Variants in WDR7 observed in about 807,000 individuals in gnomAD.
WDR7 encodes the protein WD repeat-containing protein 7.
In WDR7, 46 loss-of-function variants were observed where a neutral mutation model predicts 169.4. That is an observed-to-expected ratio of 0.27 (90% CI 0.21 to 0.35). The LOEUF is 0.35. WDR7 is among the 10% of genes least tolerant of loss of function. The pLI is 1.00. For missense variants in WDR7, 1,534 were observed against 1,859.3 expected, an observed-to-expected ratio of 0.83 and a Z score of 3.22; for synonymous variants, 612 against 666.8, an observed-to-expected ratio of 0.92 and a Z score of 1.27.
intron 14 of WDR7, among the ~76,000 whole-genome samples, chr18:56,732,082 T>C (rs2026599745): frequency 6.6e-6 from 1 of 152,220 alleles, no homozygotes; most frequent in Non-Finnish European, 1.5e-5. Flanking sequence ...GTTGCAGAAG[T>C]ACTGAAATTT....
At chr18:56,690,351 C>A (rs906333935) in intron 7 of WDR7, among the ~76,000 whole-genome samples, 2 of 152,046 alleles carry the variant, frequency 1.3e-5, no homozygotes, top group Admixed American at 1.3e-4. Flanking sequence ...AGGTTAGTAG[C>A]CTTTACTGCT....
At chr18:56,876,123 C>T (rs1181440048) in intron 20 of WDR7, among the ~76,000 whole-genome samples, 1 of 151,964 alleles carries the variant, frequency 6.6e-6, no homozygotes, top group East Asian at 1.9e-4. Context: ...GCCTTACCTC[C>T]AGTAATACAG....
chr18:56,940,140 A>C (rs2047014672), intron 25 of WDR7, among the ~76,000 whole-genome samples: 1 of 152,284 alleles, frequency 6.6e-6, no homozygotes, highest in Non-Finnish European at 1.5e-5. Context: ...TGTTGAAGAT[A>C]ATTGTTTTTG....
chr18:56,963,236 G>T (rs927166585), intron 26 of WDR7, among the ~76,000 whole-genome samples: 4 of 152,068 alleles, frequency 2.6e-5, no homozygotes, highest in Admixed American at 6.6e-5. Context: ...CAAAATCGGG[G>T]TTAGGCTCCA....
chr18:56,711,038 A>G (rs545130234), intron 12 of WDR7, among the ~76,000 whole-genome samples: 54 of 149,750 alleles, frequency 3.6e-4, no homozygotes, highest in South Asian at 1.5e-3. Flanking sequence ...TTTAAAAGAC[A>G]TTTTTCTTTT....
chr18:56,907,681 G>T (rs908630627), intron 21 of WDR7, among the ~76,000 whole-genome samples: 1 of 152,252 alleles, frequency 6.6e-6, no homozygotes. Flanking sequence ...CAGTTCTGAA[G>T]GCTAGGAAGT....
At chr18:56,787,557 CCT>C (rs1274234489) in intron 19 of WDR7, among the ~76,000 whole-genome samples, 1 of 152,052 alleles carries the variant, frequency 6.6e-6, no homozygotes, top group Non-Finnish European at 1.5e-5. Context: ...TTATCGAGTC[CCT>C]GCCTTTTTAG....
rs547738958 is a variant in WDR7, at chr18:56,889,984, T to C, written c.3526+9819T>C. On this transcript the variant is annotated intron_variant, in intron 21 of 27. Transcript: ENST00000254442. ...GCCAAGGTACATGATCTACCTGCCATTACATGGAAAAAGCCACATTTATGT... is the reference window on the plus strand; with the variant it reads ...GCCAAGGTACATGATCTACCTGCCACTACATGGAAAAAGCCACATTTATGT... 4.6e-5 allele frequency among the ~76,000 whole-genome samples: 7 copies of C among 152,286 alleles called. No homozygotes were observed. The East Asian group carries it at 9.6e-4, about 21-fold the overall frequency.
At position 56,779,525 on chromosome 18, in the gene WDR7, A is replaced by G; in HGVS notation, c.3042A>G (p.Arg1014=). The change falls in exon 18 of 28, where the codon CGA becomes CGG. Residue 1014 remains arginine (R), a synonymous_variant. Coordinates refer to ENST00000254442, the MANE Select transcript of WDR7 (RefSeq NM_015285.3). ...FRPPLLEMLA[R]RWQDRCLEVR... is the part of the protein sequence containing the mutation. ...CTCCCCTTCTGGAGATGCTGGCCCG[A>G]AGATGGCAAGATCGATGCTTGGAGG... The G allele has an allele frequency of 1.9e-6, 3 of 1,613,866 alleles. No homozygotes were observed. Among genetic ancestry groups the G allele is most frequent in the Non-Finnish European group, 1.7e-6 (2 of 1,179,860 alleles).
At chr18:56,983,156 G>A (rs1449734286) in intron 26 of WDR7, among the ~76,000 whole-genome samples, 4 of 152,182 alleles carry the variant, frequency 2.6e-5, no homozygotes, top group African/African-American at 7.2e-5. Flanking sequence ...TTTAAAGACT[G>A]TGTATACTCT....
chr18:56,877,711 A>G (rs1358020763), intron 20 of WDR7, among the ~76,000 whole-genome samples: 1 of 152,200 alleles, frequency 6.6e-6, no homozygotes, highest in Non-Finnish European at 1.5e-5. Context: ...TACCCCAGAT[A>G]TGGAAGCATA....
At chr18:56,731,654 A>T (rs1367413280) in intron 14 of WDR7, 57 bp downstream of exon 14, 15 of 1,415,496 alleles carry the variant, frequency 1.1e-5, no homozygotes, top group Non-Finnish European at 1.4e-5. Context: ...TTCATTTAGT[A>T]ACATGGCTTT....
chr18:56,905,134 A>G (rs990296286), intron 21 of WDR7, among the ~76,000 whole-genome samples: 1 of 151,984 alleles, frequency 6.6e-6, no homozygotes, highest in African/African-American at 2.4e-5. Context: ...GATTATAGAC[A>G]ATTTCTGTTT....
chr18:57,022,588 C>T (rs2048307554), intron 27 of WDR7, among the ~76,000 whole-genome samples: 1 of 152,140 alleles, frequency 6.6e-6, no homozygotes, highest in Non-Finnish European at 1.5e-5. Flanking sequence ...AAACTTTTCC[C>T]AGTATTTTCA....
intron 21 of WDR7, among the ~76,000 whole-genome samples, chr18:56,889,985 T>C (rs2046243451): frequency 6.6e-6 from 1 of 152,178 alleles, no homozygotes; most frequent in South Asian, 2.1e-4. Flanking sequence ...TACCTGCCAT[T>C]ACATGGAAAA....
At chr18:56,687,065 T>A in intron 7 of WDR7, 91 bp downstream of exon 7, 2 of 1,207,160 alleles carry the variant, frequency 1.7e-6, no homozygotes, top group East Asian at 5.1e-5. Context: ...AAGTACTTGG[T>A]GCAAGACTAT....
chr18:56,853,387 A>T (rs1203854019), intron 20 of WDR7, among the ~76,000 whole-genome samples: 1 of 152,192 alleles, frequency 6.6e-6, no homozygotes, highest in Non-Finnish European at 1.5e-5. Context: ...TGTGCAGTAT[A>T]TACAAATAAT....
intron 14 of WDR7, among the ~76,000 whole-genome samples, chr18:56,737,999 C>T (rs2026737692): frequency 6.6e-6 from 1 of 151,844 alleles, no homozygotes; most frequent in African/African-American, 2.4e-5. Flanking sequence ...TTTTGTTTGT[C>T]CTCTGTGGTT....
intron 22 of WDR7, among the ~76,000 whole-genome samples, chr18:56,929,755 G>A (rs2046855736): frequency 1.3e-5 from 2 of 152,230 alleles, no homozygotes; most frequent in African/African-American, 4.8e-5. Context: ...AACTGAGACT[G>A]CACTTCATTG....
Sources: gnomAD v4.1 joint callset for allele counts (sites outside exome capture counted in the v4.1 genomes callset) on GRCh38, gnomAD v4.1.1 for gene constraint, MANE v1.5 for transcripts, NCBI Gene and HGNC (gene_info 2026-07-23, HGNC 2026-07-21) for gene names.